UBE3B: variants seen among roughly 807,000 people sequenced by gnomAD.
UBE3B encodes ubiquitin protein ligase E3B.
Under a neutral mutation model 132.3 loss-of-function variants are expected in UBE3B, and 80 were observed. The observed-to-expected ratio is 0.60, with a 90% CI of 0.50 to 0.73. The LOEUF (loss-of-function observed/expected upper bound fraction) is 0.73. UBE3B is among the 30% of genes least tolerant of loss of function. UBE3B has a pLI of 0.00. For missense variants in UBE3B, 1,196 were observed against 1,362.5 expected, an observed-to-expected ratio of 0.88 and a Z score of 1.92; for synonymous variants, 487 against 520.4, an observed-to-expected ratio of 0.94 and a Z score of 0.87.
Position 109,511,296 on chromosome 12 carries a change from A to T in UBE3B, c.1949A>T (p.His650Leu). ...ILQYIPHVIP[H>L]KNRVLLFRTM... is the part of the protein sequence containing the mutation. ...CAGTACATCCCACATGTCATCCCTC[A>T]CAAAAACGTGAGTTGCACTCAGAGC... The change falls in exon 18 of 28, where the codon CAC (histidine) becomes CTC (leucine). Residue 650 changes from histidine (H) to leucine (L), a missense_variant. His to Leu is a moderately conservative substitution (Grantham distance 99). Coordinates refer to ENST00000342494, the MANE Select transcript of UBE3B (RefSeq NM_130466.4). 1.2e-6 allele frequency: 2 copies of T among 1,614,020 alleles called. No individual in the cohort carries two copies. The highest frequency in any genetic ancestry group is 1.7e-6 in the Non-Finnish European group (2 of 1,179,900).
chr12:109,542,102 A>G, the UBE3B span, among the ~76,000 whole-genome samples: 1 of 152,232 alleles, frequency 6.6e-6, no homozygotes, highest in Non-Finnish European at 1.5e-5. Context: ...TCTTCATGCC[A>G]TGAACCACCA....
intron 5 of UBE3B, among the ~76,000 whole-genome samples, 178 bp downstream of exon 5, chr12:109,486,249 G>A (rs1256708741): frequency 1.3e-5 from 2 of 152,150 alleles, no homozygotes; most frequent in Admixed American, 6.5e-5. Context: ...AGGTAGCTAC[G>A]TTCTGCTCTT....
At chr12:109,507,918 G>A (rs1329789127) in intron 15 of UBE3B, among the ~76,000 whole-genome samples, 183 bp downstream of exon 15, 1 of 152,220 alleles carries the variant, frequency 6.6e-6, no homozygotes, top group African/African-American at 2.4e-5. Flanking sequence ...GCAGTTGTTA[G>A]GGTGGGGCCT....
chr12:109,534,816 G>T lies in UBE3B; in HGVS notation c.*34G>T, dbSNP rs751147219. The T allele has an allele frequency of 1.2e-5, 18 of 1,475,978 alleles. No individual in the cohort carries two copies. The highest frequency in any genetic ancestry group is 4.8e-5 in the Admixed American group (2 of 41,320). 91.4% of individuals were successfully genotyped at this position (1,475,978 alleles called of 1,614,324 possible). ...CCAGCCCTGCCTCCAGGGCTCCTGG[G>T]CTGCCAGGGACCTTCAGCTCCCAGA... On this transcript the variant is annotated 3_prime_UTR_variant, in exon 28 of 28. Transcript: ENST00000342494. This position sits in a 1 kb window ranked among gnomAD's most constrained non-coding sequence, Gnocchi z 5.2.
chr12:109,490,113 T>C lies in UBE3B; in HGVS notation c.630+109T>C, dbSNP rs910941661. ...CTGGTGTCCTCCTCAGAAACACTTT[T>C]CATAGGAAGAGCTTGATGCCTGCTG... On this transcript the variant is annotated intron_variant, in intron 8 of 27. Coordinates refer to ENST00000342494, the MANE Select transcript of UBE3B (RefSeq NM_130466.4). The C allele has an allele frequency of 2.6e-6, 3 of 1,135,322 alleles. No individual in the cohort carries two copies. The African/African-American group carries it at 4.6e-5, about 17-fold the overall frequency. 70.3% of individuals were successfully genotyped at this position (1,135,322 alleles called of 1,614,324 possible).
chr12:109,481,858 T>G (rs1343812147), intron 2 of UBE3B, 116 bp downstream of exon 2: 6 of 152,324 alleles, frequency 3.9e-5, no homozygotes, highest in African/African-American at 1.2e-4. Context: ...ACTTAGTGTT[T>G]TTTTAAAAAA....
At chr12:109,505,251 C>CTT (rs1470337601) in intron 14 of UBE3B, among the ~76,000 whole-genome samples, 1 of 152,186 alleles carries the variant, frequency 6.6e-6, no homozygotes, top group East Asian at 1.9e-4. Flanking sequence ...CTACTGACAA[C>CTT]TTAGGAAGTG....
chr12:109,544,831 A>C, the UBE3B span, among the ~76,000 whole-genome samples: 1 of 152,234 alleles, frequency 6.6e-6, no homozygotes, highest in Non-Finnish European at 1.5e-5. Flanking sequence ...TCGGCTGGGC[A>C]CAGCGATCTT....
At chr12:109,544,605 A>G in the UBE3B span, among the ~76,000 whole-genome samples, 1 of 152,060 alleles carries the variant, frequency 6.6e-6, no homozygotes, top group Non-Finnish European at 1.5e-5. Flanking sequence ...AGGCTCCCAG[A>G]TCCCCCCAGC....
downstream of UBE3B, among the ~76,000 whole-genome samples, chr12:109,538,683 C>T (rs1883540582): frequency 6.6e-6 from 1 of 152,208 alleles, no homozygotes; most frequent in Admixed American, 6.5e-5. The surrounding 1 kb of genome is among the most constrained non-coding windows in gnomAD (Gnocchi z 4.1). Context: ...GTGGCTCCTG[C>T]TGCTGCTGAT....
At position 109,524,051 on chromosome 12, in the gene UBE3B, A is replaced by G. The variant is rs1453070613; in HGVS notation, c.2438A>G (p.Tyr813Cys). 4 of 1,614,176 alleles carry G rather than the reference A, an allele frequency of 2.5e-6. No homozygotes were observed. Among genetic ancestry groups the G allele is most frequent in the African/African-American group, 2.7e-5 (2 of 75,044 alleles). The change falls in exon 22 of 28, where the codon TAT becomes TGT. Residue 813 changes from tyrosine to cysteine, a missense_variant. Tyr to Cys is a radical substitution (Grantham distance 194). Transcript: ENST00000342494. The stretch of plus-strand genomic sequence containing the variant: ...CTTGGGCACCACCACAGCGTCTTCT[A>G]TAGCTCGGTGGATGAACTGCCTTCT... ...QLLGHHHSVF[Y>C]SSVDELPSLD...
rs1881665830 is a variant in UBE3B, at chr12:109,521,175, T to G, written c.2104T>G (p.Ser702Ala). ...CGGCTACGAGCAGCTTAGGCAGCTC[T>G]CCCAGCACGCCATGAAGGGGGTCAT... The part of the protein sequence containing the change: ...EDGYEQLRQL[S>A]QHAMKGVIRV... The change falls in exon 20 of 28, where the codon TCC becomes GCC. Residue 702 changes from serine (S) to alanine (A), a missense_variant. Coordinates refer to ENST00000342494, the MANE Select transcript of UBE3B (RefSeq NM_130466.4). This position sits in a 1 kb window ranked among gnomAD's most constrained non-coding sequence, Gnocchi z 4.2. The G allele has an allele frequency of 4.3e-6, 7 of 1,614,208 alleles. No homozygotes were observed. Among genetic ancestry groups the G allele is most frequent in the Non-Finnish European group, 4.2e-6 (5 of 1,180,034 alleles).
At chr12:109,518,612 C>T (rs911931911) in intron 19 of UBE3B, among the ~76,000 whole-genome samples, 3 of 152,210 alleles carry the variant, frequency 2.0e-5, no homozygotes, top group Admixed American at 1.3e-4. Flanking sequence ...CCTACCCAGA[C>T]GTGGCCAGCA....
chr12:109,486,496 C>G lies in UBE3B; in HGVS notation c.368C>G (p.Ser123Cys). 1 of 1,526,670 alleles carries G rather than the reference C, an allele frequency of 6.6e-7. No individual in the cohort carries two copies. The allele number at this position is 1,526,670 out of a possible 1,614,324, so 94.6% of individuals were successfully genotyped here. Residue 123 changes from serine to cysteine, a missense_variant, in exon 6 of 28, where the codon TCT (serine) becomes TGT (cysteine). Ser to Cys is a moderately radical substitution (Grantham distance 112, BLOSUM62 -1). Transcript: ENST00000342494. ...PKVWYVSLAC[S>C]KDLTLLWIQQ... ...GTGTGGTATGTGTCCCTGGCTTGTT[C>G]TAAGGACCTCACCCTCCTTTGGATT... is the stretch of plus-strand genomic sequence containing the variant.
Position 109,489,925 on chromosome 12 carries a change from G to C in UBE3B, c.551G>C (p.Ser184Thr), listed in dbSNP as rs763874814. 9.9e-6 allele frequency: 16 copies of C among 1,614,018 alleles called. No homozygotes were observed. The highest frequency in any genetic ancestry group is 1.3e-5 in the African/African-American group (1 of 74,932). ...TWKILRGKGESLRPAMNHICA... is the reference protein window; with the variant it reads ...TWKILRGKGETLRPAMNHICA... ...CACTGTTTTCTTTCTTTAGGTGAAA[G>C]TCTTCGACCAGCGATGAACCACATT... The change falls in exon 8 of 28, where the codon AGT (serine) becomes ACT (threonine). Residue 184 changes from serine (S) to threonine (T), a missense_variant. Physicochemically the swap from Ser to Thr is moderately conservative, Grantham distance 58. Coordinates refer to ENST00000342494, the MANE Select transcript of UBE3B (RefSeq NM_130466.4).
chr12:109,534,340 C>T lies in UBE3B; in HGVS notation c.3016-251C>T. ...AGTAATTCGCTGTGAACCGGAAGGC[C>T]CCATTTCCAAAAGCTTACTTAGTGC... On this transcript the variant is annotated intron_variant, in intron 27 of 27. Coordinates refer to ENST00000342494, the MANE Select transcript of UBE3B (RefSeq NM_130466.4). The surrounding 1 kb of genome is among the most constrained non-coding windows in gnomAD (Gnocchi z 5.2). 1 of 1,409,732 alleles carries T rather than the reference C, an allele frequency of 7.1e-7. No homozygotes were observed. Among genetic ancestry groups the T allele is most frequent in the East Asian group, 2.6e-5 (1 of 38,260 alleles). 87.3% of individuals were successfully genotyped at this position (1,409,732 alleles called of 1,614,324 possible). A position where few individuals can be genotyped will look rare whatever the true frequency, so the allele number is the denominator to read the frequency against.
intron 23 of UBE3B, 64 bp from the exon 24 acceptor site, chr12:109,526,294 C>G: frequency 1.3e-6 from 2 of 1,519,208 alleles, no homozygotes; most frequent in South Asian, 2.3e-5. Context: ...GCCCTCTCAT[C>G]TCCGGGAAGC....
chr12:109,542,895 C>G, the UBE3B span, among the ~76,000 whole-genome samples: 1 of 152,182 alleles, frequency 6.6e-6, no homozygotes, highest in Admixed American at 6.5e-5. Flanking sequence ...CCACAGGAAA[C>G]TAGTATAGAT....
intron 2 of UBE3B, 135 bp from the exon 3 acceptor site, chr12:109,483,396 C>T (rs889217975): frequency 3.0e-5 from 24 of 806,616 alleles, no homozygotes; most frequent in African/African-American, 1.6e-4. Context: ...GAGCTGTTAG[C>T]GCTTTGGAGG....
Sources: gnomAD v4.1 joint callset for allele counts (sites outside exome capture counted in the v4.1 genomes callset) on GRCh38, gnomAD v4.1.1 for gene constraint, Gnocchi (gnomAD v3.1) non-coding constraint, MANE v1.5 for transcripts, NCBI Gene and HGNC (gene_info 2026-07-23, HGNC 2026-07-21) for gene names.